The following DIP2C variants were observed in gnomAD, a reference collection of about 807,000 sequenced individuals.
DIP2C encodes the protein disco-interacting protein 2 homolog C.
Under a neutral mutation model 192.4 loss-of-function variants are expected in DIP2C, and 33 were observed. The observed-to-expected ratio is 0.17, with a 90% CI of 0.13 to 0.23. DIP2C has a LOEUF of 0.23. Ranked by LOEUF, DIP2C falls within the 10% of genes least tolerant of loss-of-function variation. DIP2C has a pLI of 1.00. For missense variants in DIP2C, 1,537 were observed against 2,110.1 expected, an observed-to-expected ratio of 0.73 and a Z score of 5.32; for synonymous variants, 979 against 864.1, an observed-to-expected ratio of 1.13 and a Z score of -2.33.
At chr10:606,516 C>T (rs1852491181) in intron 1 of DIP2C, among the ~76,000 whole-genome samples, 1 of 150,354 alleles carries the variant, frequency 6.7e-6, no homozygotes, top group South Asian at 2.2e-4. Context: ...GATCTCACGG[C>T]CCCGCTGCCG....
intron 24 of DIP2C, among the ~76,000 whole-genome samples, chr10:354,690 C>T (rs548060028): frequency 8.6e-5 from 13 of 152,026 alleles, no homozygotes; most frequent in East Asian, 5.8e-4. Context: ...TTGCAGCTTG[C>T]GGAGGGGTAG....
intron 10 of DIP2C, among the ~76,000 whole-genome samples, chr10:395,530 T>C (rs948428421): frequency 9.2e-5 from 14 of 152,324 alleles, no homozygotes; most frequent in African/African-American, 3.4e-4. Flanking sequence ...GTGAAATCAC[T>C]TGTGGCTTCC....
intron 13 of DIP2C, 43 bp downstream of exon 13, chr10:389,948 G>T: frequency 6.6e-7 from 1 of 1,523,160 alleles, no homozygotes; most frequent in East Asian, 2.3e-5. Context: ...CAGGTGTCCC[G>T]GTTAGAACCA....
chr10:624,026 C>A (rs1854041654), intron 1 of DIP2C, among the ~76,000 whole-genome samples: 1 of 152,220 alleles, frequency 6.6e-6, no homozygotes, highest in South Asian at 2.1e-4. Flanking sequence ...CACAGTTGGG[C>A]TCGAACCGCC....
At position 277,973 on chromosome 10, in the gene DIP2C, G is replaced by A. The variant is rs529577127; in HGVS notation, c.4419-396C>T. Among the ~76,000 whole-genome samples, 5 of 152,326 alleles carry A rather than the reference G, an allele frequency of 3.3e-5. No individual in the cohort carries two copies. The South Asian group carries it at 8.3e-4, about 25-fold the overall frequency. On this transcript the variant is annotated intron_variant, in intron 36 of 36. Transcript: ENST00000280886. The stretch of plus-strand genomic sequence containing the variant: ...AGCCTCGTACCCTCAAGGCAGCCCT[G>A]TGCCTCCTGCTTCCAGACCCCCAGC...
At chr10:655,339 C>G (rs1272500302) in intron 1 of DIP2C, among the ~76,000 whole-genome samples, 1 of 152,160 alleles carries the variant, frequency 6.6e-6, no homozygotes, top group Non-Finnish European at 1.5e-5. Flanking sequence ...GAACCCGGAC[C>G]CAGCTGAGCT....
intron 31 of DIP2C, among the ~76,000 whole-genome samples, chr10:315,154 C>T (rs1363596677): frequency 3.3e-5 from 5 of 152,162 alleles, no homozygotes; most frequent in Admixed American, 1.3e-4. Context: ...AGTGCATTTC[C>T]GGGGCCCAAC....
In DIP2C at chr10:344,804, C is replaced by CT. The variant is rs754183714; in HGVS notation, c.3453+4dup. 7.6e-6 allele frequency: 12 copies of CT among 1,578,752 alleles called. No individual in the cohort carries two copies. The highest frequency in any genetic ancestry group is 1.2e-5 in the South Asian group (1 of 86,236). On this transcript the variant is annotated splice_donor_region_variant and intron_variant, in intron 28 of 36. Coordinates refer to ENST00000280886, the MANE Select transcript of DIP2C (RefSeq NM_014974.3). The stretch of plus-strand genomic sequence containing the variant: ...ATGGCCACCGCCCGCAGCCACCCCC[C>CT]TCACCTTTACGCCAGCTAGCATCCC...
intron 1 of DIP2C, among the ~76,000 whole-genome samples, chr10:593,523 C>T (rs942924090): frequency 1.6e-5 from 2 of 125,472 alleles, no homozygotes; most frequent in Admixed American, 9.5e-5. Context: ...AATCAGCTGG[C>T]GATCATCTCC....
At chr10:351,546 A>G (rs1958810918) in intron 24 of DIP2C, among the ~76,000 whole-genome samples, 1 of 152,160 alleles carries the variant, frequency 6.6e-6, no homozygotes, top group Admixed American at 6.5e-5. Flanking sequence ...ATTTCTCTGA[A>G]TTCAACCTTC....
intron 1 of DIP2C, among the ~76,000 whole-genome samples, chr10:505,787 T>C (rs992170259): frequency 4.0e-5 from 6 of 151,866 alleles, no homozygotes; most frequent in African/African-American, 1.5e-4. Flanking sequence ...CTGTGCTTCC[T>C]GTGGGTGCCC....
Position 574,239 on chromosome 10 carries a change from G to C in DIP2C, c.86-87709C>G, listed in dbSNP as rs149280389. Among the ~76,000 whole-genome samples the C allele has an allele frequency of 2.0e-5, 3 of 152,156 alleles. No homozygotes were observed. The East Asian group carries it at 5.8e-4, about 29-fold the overall frequency. On this transcript the variant is annotated intron_variant, in intron 1 of 36. Coordinates refer to ENST00000280886, the MANE Select transcript of DIP2C (RefSeq NM_014974.3). ...ATCTATAACTTAAGCTAGGAAATTG[G>C]GCATTTCACAAAGATTTTGCACAAT... is the stretch of plus-strand genomic sequence containing the variant.
chr10:669,834 G>A (rs1248559038), intron 1 of DIP2C, among the ~76,000 whole-genome samples: 1 of 152,178 alleles, frequency 6.6e-6, no homozygotes, highest in Non-Finnish European at 1.5e-5. Context: ...CAATAAGTGG[G>A]AAACATTCAT....
intron 24 of DIP2C, among the ~76,000 whole-genome samples, chr10:355,184 G>A (rs1959020760): frequency 1.3e-5 from 2 of 152,274 alleles, no homozygotes; most frequent in South Asian, 2.1e-4. Context: ...TGGCAGAAAC[G>A]GGCCTTCCTG....
At chr10:496,880 T>C (rs1272209486) in intron 1 of DIP2C, among the ~76,000 whole-genome samples, 1 of 152,192 alleles carries the variant, frequency 6.6e-6, no homozygotes, top group Non-Finnish European at 1.5e-5. Flanking sequence ...ATCCCAGCAC[T>C]ATGGAAGGCC....
intron 9 of DIP2C, 87 bp from the exon 10 acceptor site, chr10:399,306 G>C: frequency 2.0e-6 from 2 of 1,001,648 alleles, no homozygotes; most frequent in Non-Finnish European, 3.2e-6. Context: ...TAGGTGAGAG[G>C]GCACGCTTCA....
At chr10:617,465 C>G (rs1208149914) in intron 1 of DIP2C, among the ~76,000 whole-genome samples, 1 of 152,176 alleles carries the variant, frequency 6.6e-6, no homozygotes, top group Non-Finnish European at 1.5e-5. Flanking sequence ...ACACGTGGGA[C>G]CCTAGCCGTG....
intron 1 of DIP2C, among the ~76,000 whole-genome samples, chr10:593,778 C>T (rs1035509003): frequency 2.0e-5 from 3 of 152,292 alleles, no homozygotes; most frequent in Non-Finnish European, 2.9e-5. Flanking sequence ...CATCCACATC[C>T]GTCTCCCCTC....
rs1968658823 is a variant in DIP2C, at chr10:449,555, T to TATGTGGCTTACTCCA, written c.269-8560_269-8559insTGGAGTAAGCCACAT. Among the ~76,000 whole-genome samples, 6 of 136,910 alleles carry TATGTGGCTTACTCCA rather than the reference T, an allele frequency of 4.4e-5. No individual in the cohort carries two copies. The South Asian group carries it at 1.1e-3, about 26-fold the overall frequency. The allele number at this position is 136,910 out of a possible 152,430, so 89.8% of individuals were successfully genotyped here. A position where few individuals can be genotyped will look rare whatever the true frequency, so the allele number is the denominator to read the frequency against. On this transcript the variant is annotated intron_variant, in intron 3 of 36. Coordinates refer to ENST00000280886, the MANE Select transcript of DIP2C (RefSeq NM_014974.3). The stretch of plus-strand genomic sequence containing the variant: ...ATGTGGCTTACTCCAGGCTAAGGAG[T>TATGTGGCTTACTCCA]GAGTAAGGCAGCCTATTCTTGTGAA...
Sources: allele counts gnomAD v4.1 joint callset (sites outside exome capture counted in the v4.1 genomes callset), GRCh38; gene constraint gnomAD v4.1.1; transcripts MANE v1.5; gene names NCBI Gene and HGNC (gene_info 2026-07-23, HGNC 2026-07-21).